Variants in ATRX observed in about 807,000 individuals in gnomAD.
The protein encoded by ATRX is chromatin remodeler ATRX.
In ATRX, 12 loss-of-function variants were observed where a neutral mutation model predicts 172.6. That is an observed-to-expected ratio of 0.07 (90% confidence interval 0.04 to 0.11). ATRX has a LOEUF of 0.11. Ranked by LOEUF, ATRX falls within the 10% of genes least tolerant of loss-of-function variation. ATRX has a pLI of 1.00. For synonymous variants in ATRX, 674 were observed against 594.7 expected (o/e 1.13, Z -1.94); for missense variants, 1,368 against 1,767.4 (o/e 0.77, Z 4.05).
chrX:77,583,391 G>A (rs981218859), intron 27 of ATRX, among the ~76,000 whole-genome samples: 1 of 110,762 alleles, frequency 9.0e-6, no homozygotes, highest in Admixed American at 9.6e-5. Flanking sequence ...AGGCGCGGTG[G>A]CACACGCCTG....
At chrX:77,538,478 G>A (rs2063839182) in intron 30 of ATRX, among the ~76,000 whole-genome samples, 2 of 110,881 alleles carry the variant, frequency 1.8e-5, no homozygotes, top group Non-Finnish European at 3.8e-5. Flanking sequence ...AGGTGGGAGG[G>A]TAGGAGGGAG....
chrX:77,676,149 T>A (rs2070853571), intron 10 of ATRX, 77 bp downstream of exon 10: 1 of 972,726 alleles, frequency 1.0e-6, no homozygotes, highest in African/African-American at 1.9e-5. Flanking sequence ...ACCTGCTTGC[T>A]GTTCCGTTGC....
chrX:77,638,866 CA>C (rs2068523191), intron 15 of ATRX, among the ~76,000 whole-genome samples: 1 of 112,280 alleles, frequency 8.9e-6, no homozygotes, highest in African/African-American at 3.2e-5. Flanking sequence ...TCTGAATCTG[CA>C]AACTGGGAAT....
chrX:77,683,833 G>C lies in ATRX; in HGVS notation c.1423C>G (p.His475Asp), dbSNP rs146863015. The stretch of plus-strand genomic sequence containing the variant: ...TGTTCCTCTGTTGGAACATTCTGAT[G>C]CATGTGCTCACTATCTACCTGTTTT... ...SRKQVDSEHMHQNVPTEEQRT... is the reference protein window; with the variant it reads ...SRKQVDSEHMDQNVPTEEQRT... Residue 475 changes from histidine (H) to aspartate (D), a missense_variant, in exon 9 of 35, where the codon CAT becomes GAT. Transcript: ENST00000373344. 2.1e-4 allele frequency: 258 copies of C among 1,208,486 alleles called. 1 individual carries two copies. In the South Asian group the frequency reaches 2.9e-3, roughly 13 times the overall value.
chrX:77,735,243 C>CTG (rs2074489561), intron 1 of ATRX, among the ~76,000 whole-genome samples: 1 of 111,160 alleles, frequency 9.0e-6, no homozygotes, highest in African/African-American at 3.3e-5. Context: ...GGCCAGACCA[C>CTG]CTGAGGTCAG....
At chrX:77,604,356 A>C (rs782378603) in intron 22 of ATRX, among the ~76,000 whole-genome samples, 1 of 112,629 alleles carries the variant, frequency 8.9e-6, no homozygotes, top group South Asian at 3.6e-4. Flanking sequence ...GACATTTTTC[A>C]AAAGAAGATA....
At chrX:77,670,191 C>T (rs1557128876) in intron 10 of ATRX, among the ~76,000 whole-genome samples, 1 of 111,567 alleles carries the variant, frequency 9.0e-6, no homozygotes, top group African/African-American at 3.3e-5. Context: ...CATCCATAAA[C>T]AAGGTGATAA....
At chrX:77,559,355 C>T (rs1557060713) in intron 28 of ATRX, among the ~76,000 whole-genome samples, 1 of 104,236 alleles carries the variant, frequency 9.6e-6, no homozygotes, top group Non-Finnish European at 1.9e-5. Flanking sequence ...ACACGGGGCT[C>T]CAGGAAGGGT....
At position 77,682,955 on chromosome X, in the gene ATRX, T is replaced by C; in HGVS notation, c.2301A>G (p.Leu767=). Residue 767 remains leucine, a synonymous_variant, in exon 9 of 35, where the codon TTA becomes TTG. Coordinates refer to ENST00000373344, the MANE Select transcript of ATRX (RefSeq NM_000489.6). ...TATCATCTTTCCCCGCCTGAGTCTT[T>C]AAATCATACAAAGTCTTATGGTTTG... The part of the protein sequence containing the change: ...IHTNHKTLYD[L]KTQAGKDDKG... The C allele has an allele frequency of 8.3e-7, 1 of 1,210,836 alleles. No homozygotes were observed. The highest frequency in any genetic ancestry group is 1.1e-6 in the Non-Finnish European group (1 of 894,816).
Position 77,708,664 on chromosome X carries a change from AAAAAAT to A in ATRX, c.133+8461_133+8466del, listed in dbSNP as rs199569716. Among the ~76,000 whole-genome samples the A allele has an allele frequency of 0.02, 2,144 of 109,824 alleles. 187 individuals are homozygous for A. The East Asian group carries it at 0.35, about 18-fold the overall frequency. Reference sequence around the variant, plus strand: ...AACAGAACGAGACTCTGTCTCAAAAAAAAAATAAAAATAAAAATAAAAATAAAAAAC... The same window carrying A: ...AACAGAACGAGACTCTGTCTCAAAAAAAAAATAAAAATAAAAATAAAAAAC... On this transcript the variant is annotated intron_variant, in intron 2 of 34. Transcript: ENST00000373344.
intron 1 of ATRX, among the ~76,000 whole-genome samples, chrX:77,769,795 C>T (rs1371127157): frequency 9.0e-6 from 1 of 111,171 alleles, no homozygotes; most frequent in Non-Finnish European, 1.9e-5. Context: ...ATAATGTAAC[C>T]GTTAAAAATA....
At chrX:77,645,876 A>G (rs1464955206) in intron 15 of ATRX, among the ~76,000 whole-genome samples, 1 of 112,163 alleles carries the variant, frequency 8.9e-6, no homozygotes, top group Non-Finnish European at 1.9e-5. Flanking sequence ...AACTGAAGTT[A>G]AGTTCACATC....
At chrX:77,511,030 G>A (rs1015541023) in intron 34 of ATRX, among the ~76,000 whole-genome samples, 5 of 112,713 alleles carry the variant, frequency 4.4e-5, no homozygotes, top group Non-Finnish European at 7.5e-5. Flanking sequence ...TGTGGTCCCC[G>A]TGAAGGGAGC....
rs145036475 is a variant in ATRX, at chrX:77,633,656, C to T, written c.4866G>A (p.Ala1622=). The T allele has an allele frequency of 5.8e-6, 7 of 1,208,278 alleles. No individual in the cohort carries two copies. Among genetic ancestry groups the T allele is most frequent in the African/African-American group, 3.5e-5 (2 of 57,008 alleles). ...CAGTATTAAGAGGACAAACCACTAA[C>T]GCCGTGCTGAAATCCAGTTTGTCAC... is the stretch of plus-strand genomic sequence containing the variant. ...LLCDKLDFST[A]LVVCPLNTAL... is the part of the protein sequence containing the mutation. The change falls in exon 18 of 35, where the codon GCG becomes GCA. Residue 1622 remains alanine, a synonymous_variant. Coordinates refer to ENST00000373344, the MANE Select transcript of ATRX (RefSeq NM_000489.6).
At chrX:77,601,240 A>T in intron 22 of ATRX, among the ~76,000 whole-genome samples, 1 of 110,679 alleles carries the variant, frequency 9.0e-6, no homozygotes, top group Non-Finnish European at 1.9e-5. Context: ...CCGAGGCAGG[A>T]GGACCGCTTG....
At chrX:77,750,312 A>G (rs930655815) in intron 1 of ATRX, among the ~76,000 whole-genome samples, 3 of 111,263 alleles carry the variant, frequency 2.7e-5, no homozygotes, top group South Asian at 7.6e-4. Flanking sequence ...TCCCGTGTGA[A>G]TAAGGGGAGA....
chrX:77,647,767 T>G (rs1159479810), intron 15 of ATRX, among the ~76,000 whole-genome samples: 2 of 111,824 alleles, frequency 1.8e-5, no homozygotes, highest in African/African-American at 6.5e-5. Context: ...AATGAAATGA[T>G]GTATGCAATT....
chrX:77,604,046 G>A (rs782609113), intron 22 of ATRX, among the ~76,000 whole-genome samples: 2 of 112,413 alleles, frequency 1.8e-5, no homozygotes, highest in Non-Finnish European at 3.8e-5. Flanking sequence ...TAAACCTAGA[G>A]AAGTAACCTA....
intron 30 of ATRX, among the ~76,000 whole-genome samples, chrX:77,550,753 A>G (rs967483105): frequency 9.8e-5 from 11 of 111,833 alleles, no homozygotes; most frequent in Non-Finnish European, 1.7e-4. Context: ...AAGCTGATAA[A>G]CAACTTCAGC....
Sources: allele counts gnomAD v4.1 joint callset (sites outside exome capture counted in the v4.1 genomes callset), GRCh38; gene constraint gnomAD v4.1.1; transcripts MANE v1.5; gene names NCBI Gene and HGNC (gene_info 2026-07-23, HGNC 2026-07-21).